Variants in MIA2 observed in about 807,000 individuals in gnomAD.
The protein encoded by MIA2 is MIA SH3 domain ER export factor 2, also known as melanoma inhibitory activity protein 2.
Under a neutral mutation model 167.8 loss-of-function variants are expected in MIA2, and 127 were observed. The observed-to-expected ratio is 0.76, with a 90% confidence interval of 0.66 to 0.88. MIA2 has a LOEUF of 0.88. MIA2 is among the 40% of genes least tolerant of loss of function. The pLI is 0.00. For synonymous variants in MIA2, 552 were observed against 541.9 expected, an observed-to-expected ratio of 1.02 and a Z score of -0.26; for missense variants, 1,690 against 1,624.7, an observed-to-expected ratio of 1.04 and a Z score of -0.69.
chr14:39,288,434 TATATATATATATATATATATATA>T (rs2060114632), intron 9 of MIA2, among the ~76,000 whole-genome samples: 1 of 10,424 alleles, frequency 9.6e-5, no homozygotes, highest in African/African-American at 2.8e-4. Flanking sequence ...ATATTATACA[TATATATATATATATATATATATA>T]TATATATATA....
At chr14:39,244,897 C>A (rs934753122) in intron 3 of MIA2, among the ~76,000 whole-genome samples, 1 of 152,030 alleles carries the variant, frequency 6.6e-6, no homozygotes, top group African/African-American at 2.4e-5. Flanking sequence ...CCCACCTCAG[C>A]CTCCAGAGTA....
intron 9 of MIA2, among the ~76,000 whole-genome samples, chr14:39,286,590 C>G (rs946988652): frequency 6.6e-6 from 1 of 151,986 alleles, no homozygotes; most frequent in Non-Finnish European, 1.5e-5. Flanking sequence ...TTGATGACAT[C>G]TTTTGGGTTT....
intron 9 of MIA2, among the ~76,000 whole-genome samples, chr14:39,288,086 A>G (rs1489306855): frequency 1.3e-5 from 2 of 152,052 alleles, no homozygotes; most frequent in Non-Finnish European, 1.5e-5. Context: ...GGACTTCCCA[A>G]AGTGTTGGGA....
intron 12 of MIA2, 81 bp downstream of exon 12, chr14:39,294,152 A>G: frequency 9.8e-7 from 1 of 1,019,546 alleles, no homozygotes; most frequent in East Asian, 2.6e-5. Context: ...AATAAGACAC[A>G]ATAGTAGGAT....
intron 25 of MIA2, among the ~76,000 whole-genome samples, chr14:39,343,437 A>G (rs2072483887): frequency 6.6e-6 from 1 of 152,176 alleles, no homozygotes; most frequent in African/African-American, 2.4e-5. Context: ...ATGAGCCACC[A>G]TGCCCGGCCT....
chr14:39,318,408 T>C (rs2065869290), intron 22 of MIA2, among the ~76,000 whole-genome samples: 2 of 152,136 alleles, frequency 1.3e-5, no homozygotes. Context: ...GGTTTTGTAG[T>C]ATTGGGTGAC....
At position 39,251,248 on chromosome 14, in the gene MIA2, G is replaced by T. The variant is rs182929032; in HGVS notation, c.1568-1500G>T. 4.1e-4 allele frequency among the ~76,000 whole-genome samples: 63 copies of T among 152,032 alleles called. 1 individual carries two copies. The East Asian group carries it at 9.5e-3, about 23-fold the overall frequency. On this transcript the variant is annotated intron_variant, in intron 4 of 28. Coordinates refer to ENST00000640607, the MANE Select transcript of MIA2 (RefSeq NM_001329214.4). ...TTACAAAACGGGTAAACTAGGGAACGGTTATTTATATTACAATGTGCATAA... is the reference window on the plus strand; with the variant it reads ...TTACAAAACGGGTAAACTAGGGAACTGTTATTTATATTACAATGTGCATAA...
chr14:39,312,853 A>T (rs1262491779), intron 18 of MIA2, among the ~76,000 whole-genome samples: 2 of 150,356 alleles, frequency 1.3e-5, no homozygotes, highest in Admixed American at 6.7e-5. Flanking sequence ...GACTGCTACT[A>T]CTACTGTTTA....
At chr14:39,347,277 A>T (rs983983970) in intron 26 of MIA2, among the ~76,000 whole-genome samples, 2 of 152,192 alleles carry the variant, frequency 1.3e-5, no homozygotes, top group African/African-American at 4.8e-5. Flanking sequence ...TGATGATAAC[A>T]AAGTTCGGGA....
In MIA2 at chr14:39,277,078, T is replaced by C. The variant is rs1358281523; in HGVS notation, c.2019+13T>C. On this transcript the variant is annotated intron_variant, in intron 7 of 28. Coordinates refer to ENST00000640607, the MANE Select transcript of MIA2 (RefSeq NM_001329214.4). Reference sequence around the variant, plus strand: ...AAGTTTTAGATCGGTAAGTAACCAGTGCTATACTAAGAGAATGTTCATTTT... The same window carrying C: ...AAGTTTTAGATCGGTAAGTAACCAGCGCTATACTAAGAGAATGTTCATTTT... 2 of 1,608,452 alleles carry C rather than the reference T, an allele frequency of 1.2e-6. No homozygotes were observed. The highest frequency in any genetic ancestry group is 2.2e-5 in the South Asian group (2 of 90,134).
At chr14:39,328,132 A>G (rs753249159) in intron 25 of MIA2, among the ~76,000 whole-genome samples, 1 of 152,058 alleles carries the variant, frequency 6.6e-6, no homozygotes, top group Non-Finnish European at 1.5e-5. Context: ...CAGCATCTGT[A>G]GTTTCCTGAC....
chr14:39,310,310 T>C (rs535078199), intron 18 of MIA2, among the ~76,000 whole-genome samples: 2 of 152,336 alleles, frequency 1.3e-5, no homozygotes, highest in Admixed American at 6.5e-5. Flanking sequence ...GTGATTTAGC[T>C]GTTTAAAATG....
At chr14:39,365,596 G>T (rs553548959) in intron 23 of MIA2, among the ~76,000 whole-genome samples, 156 of 151,894 alleles carry the variant, frequency 1.0e-3, no homozygotes, top group African/African-American at 3.6e-3. Flanking sequence ...AGATGTGTTT[G>T]TAATTTCATG....
At position 39,252,629 on chromosome 14, in the gene MIA2, A is replaced by G. The variant is rs375990544; in HGVS notation, c.1568-119A>G. 563 of 668,418 alleles carry G rather than the reference A, an allele frequency of 8.4e-4. 5 individuals carry two copies. In the South Asian group the frequency reaches 0.01, roughly 12 times the overall value. The allele number at this position is 668,418 out of a possible 1,614,324, so 41.4% of individuals were successfully genotyped here. A position where few individuals can be genotyped will look rare whatever the true frequency, so the allele number is the denominator to read the frequency against. On this transcript the variant is annotated intron_variant, in intron 4 of 28. Transcript: ENST00000640607. ...TTATGTTTTAGTGTGTCCTTTCTTT[A>G]ACGAAGTATCATAATGACCTACAAA...
intron 23 of MIA2, among the ~76,000 whole-genome samples, chr14:39,373,641 T>C (rs1294285579): frequency 6.6e-6 from 1 of 151,952 alleles, no homozygotes; most frequent in East Asian, 1.9e-4. Flanking sequence ...GCCAACATGG[T>C]GAAACCTTGT....
chr14:39,271,256 A>C (rs1478581063), intron 6 of MIA2, among the ~76,000 whole-genome samples: 3 of 152,212 alleles, frequency 2.0e-5, no homozygotes, highest in African/African-American at 4.8e-5. Context: ...ATACTGTTGA[A>C]AATAATTTAC....
rs1241482139 is a variant in MIA2, at chr14:39,247,943, T to G, written c.1369T>G (p.Leu457Val). 6.3e-7 allele frequency: 1 copy of G among 1,597,506 alleles called. No individual in the cohort carries two copies. Among genetic ancestry groups the G allele is most frequent in the Non-Finnish European group, 8.5e-7 (1 of 1,176,284 alleles). ...AGACGAATCTGATACTATACCATAT[T>G]TGAAAAAGTTCTTGTATAATTTTGA... ...KTDESDTIPYLKKFLYNFDNP... is the reference protein window; with the variant it reads ...KTDESDTIPYVKKFLYNFDNP... The change falls in exon 4 of 29, where the codon TTG becomes GTG. Residue 457 changes from leucine to valine, a missense_variant. Coordinates refer to ENST00000640607, the MANE Select transcript of MIA2 (RefSeq NM_001329214.4).
chr14:39,253,292 C>A, intron 6 of MIA2, 121 bp downstream of exon 6: 1 of 1,276,778 alleles, frequency 7.8e-7, no homozygotes, highest in Non-Finnish European at 1.1e-6. Flanking sequence ...TTTCTCTTTC[C>A]ATGACATCTT....
intron 9 of MIA2, among the ~76,000 whole-genome samples, chr14:39,283,277 G>C (rs1381243710): frequency 6.6e-6 from 1 of 152,184 alleles, no homozygotes; most frequent in Non-Finnish European, 1.5e-5. Flanking sequence ...GCTGGATATA[G>C]TAGCTCTATT....
Sources: allele counts gnomAD v4.1 joint callset (sites outside exome capture counted in the v4.1 genomes callset), GRCh38; gene constraint gnomAD v4.1.1; transcripts MANE v1.5; gene names NCBI Gene and HGNC (gene_info 2026-07-23, HGNC 2026-07-21).